FSIP2: variants seen among roughly 807,000 people sequenced by gnomAD.
The protein encoded by FSIP2 is fibrous sheath-interacting protein 2.
FSIP2 carries 367 observed loss-of-function variants against 510.5 expected under a neutral mutation model. The observed-to-expected ratio is 0.72, with a 90% CI of 0.66 to 0.78. FSIP2 has a LOEUF of 0.78. Ranked by LOEUF, FSIP2 falls within the 30% of genes least tolerant of loss-of-function variation. The probability of loss-of-function intolerance (pLI) is 0.00; values close to 1 mark genes in which losing one functional copy is unlikely to be tolerated. For synonymous variants in FSIP2, 2,601 were observed against 2,732.2 expected (o/e 0.95, Z 1.50); for missense variants, 7,594 against 7,901.7 (o/e 0.96, Z 1.48).
intron 14 of FSIP2, among the ~76,000 whole-genome samples, chr2:185,785,654 G>A (rs1440402058): frequency 6.6e-6 from 1 of 151,600 alleles, no homozygotes; most frequent in Non-Finnish European, 1.5e-5. Context: ...AGTGTGTGAC[G>A]GTAAATCTAA....
chr2:185,763,334 G>T (rs1316981520), intron 12 of FSIP2, 45 bp downstream of exon 12: 1 of 786,690 alleles, frequency 1.3e-6, no homozygotes, highest in Non-Finnish European at 2.2e-6. Flanking sequence ...CAATAAAAGG[G>T]ATATGATCTT....
chr2:185,785,264 C>T (rs982614287), intron 14 of FSIP2, among the ~76,000 whole-genome samples: 3 of 152,070 alleles, frequency 2.0e-5, no homozygotes, highest in African/African-American at 7.2e-5. Flanking sequence ...CATCAGCTTT[C>T]ATGCTCCTAG....
intron 15 of FSIP2, chr2:185,787,946 ATTTTAT>A (rs1395718541): frequency 9.9e-5 from 15 of 151,192 alleles, no homozygotes; most frequent in South Asian, 6.2e-4. Flanking sequence ...GTATTATTTT[ATTTTAT>A]TTTTATTTTA....
In FSIP2 at chr2:185,792,693, A is replaced by C; in HGVS notation, c.5557A>C (p.Lys1853Gln). The change falls in exon 16 of 23, where the codon AAA (lysine) becomes CAA (glutamine). Residue 1853 changes from lysine to glutamine, a missense_variant. Lys to Gln is a moderately conservative substitution (Grantham distance 53). Transcript: ENST00000424728. ...TAATATTGTTAGGACTGTATTTCAC[A>C]AACTTTATTCAGCTGCCATGACAGA... ...TDNIVRTVFH[K>Q]LYSAAMTERN... is the part of the protein sequence containing the mutation. The C allele has an allele frequency of 1.3e-6, 2 of 1,533,906 alleles. No homozygotes were observed. The highest frequency in any genetic ancestry group is 2.0e-5 in the Admixed American group (1 of 50,830).
Position 185,790,166 on chromosome 2 carries a change from T to C in FSIP2, c.3030T>C (p.Asn1010=). The part of the protein sequence containing the change: ...YSDDENEEID[N]IVKNVLDSTF... ...ATGATGAAAATGAGGAAATAGACAA[T>C]ATTGTAAAAAATGTGCTTGATTCAA... Residue 1010 remains asparagine, a synonymous_variant, in exon 16 of 23, where the codon AAT becomes AAC. Coordinates refer to ENST00000424728, the MANE Select transcript of FSIP2 (RefSeq NM_173651.4). 5 of 1,532,070 alleles carry C rather than the reference T, an allele frequency of 3.3e-6. No individual in the cohort carries two copies. Among genetic ancestry groups the C allele is most frequent in the Non-Finnish European group, 4.4e-6 (5 of 1,144,694 alleles). 94.9% of individuals were successfully genotyped at this position (1,532,070 alleles called of 1,614,324 possible).
chr2:185,747,959 G>C (rs2105535724), intron 7 of FSIP2, among the ~76,000 whole-genome samples: 1 of 152,026 alleles, frequency 6.6e-6, no homozygotes, highest in South Asian at 2.1e-4. Context: ...AAGCTGTTCT[G>C]TAGGCTGTTT....
chr2:185,825,575 C>T (rs1693999988), intron 20 of FSIP2, among the ~76,000 whole-genome samples: 1 of 151,918 alleles, frequency 6.6e-6, no homozygotes, highest in South Asian at 2.1e-4. Flanking sequence ...TGTGACTCTA[C>T]ATAAAAACAA....
chr2:185,782,785 A>G (rs552165698), intron 14 of FSIP2, 23 bp downstream of exon 14: 1 of 1,205,354 alleles, frequency 8.3e-7, no homozygotes, highest in Non-Finnish European at 1.2e-6. Flanking sequence ...GGAATTATAT[A>G]TAATCATAAC....
intron 18 of FSIP2, among the ~76,000 whole-genome samples, chr2:185,814,832 CTTTT>C (rs1364748092): frequency 6.6e-6 from 1 of 151,958 alleles, no homozygotes; most frequent in Non-Finnish European, 1.5e-5. Context: ...GAATATACAA[CTTTT>C]AATTTTCTGA....
Position 185,803,880 on chromosome 2 carries a change from A to G in FSIP2, c.14574A>G (p.Lys4858=). 1 of 1,524,736 alleles carries G rather than the reference A, an allele frequency of 6.6e-7. No homozygotes were observed. Among genetic ancestry groups the G allele is most frequent in the Non-Finnish European group, 8.8e-7 (1 of 1,139,300 alleles). The allele number at this position is 1,524,736 out of a possible 1,614,324, so 94.5% of individuals were successfully genotyped here. The part of the protein sequence containing the change: ...GNKKQSMISA[K]DIQSMVDSIY... ...AAAAACAGAGTATGATTTCAGCAAA[A>G]GATATCCAGTCTATGGTTGATTCCA... Residue 4858 remains lysine, a synonymous_variant, in exon 17 of 23, where the codon AAA becomes AAG. Coordinates refer to ENST00000424728, the MANE Select transcript of FSIP2 (RefSeq NM_173651.4).
At chr2:185,773,365 G>T (rs1017564255) in intron 13 of FSIP2, among the ~76,000 whole-genome samples, 16 of 152,110 alleles carry the variant, frequency 1.1e-4, no homozygotes, top group Non-Finnish European at 2.2e-4. Context: ...GAAATCTGCT[G>T]TTATTCTAAT....
chr2:185,803,597 T>C lies in FSIP2; in HGVS notation c.14291T>C (p.Leu4764Ser). Residue 4764 changes from leucine (L) to serine (S), a missense_variant, in exon 17 of 23, where the codon TTA becomes TCA. Coordinates refer to ENST00000424728, the MANE Select transcript of FSIP2 (RefSeq NM_173651.4). ...CATTCCAAACTCAGTGCAAATGTTT[T>C]AATACAAAGAGTTCAATATGATATA... ...KSHSKLSANV[L>S]IQRVQYDISK... 1 of 1,531,466 alleles carries C rather than the reference T, an allele frequency of 6.5e-7. No individual in the cohort carries two copies. Among genetic ancestry groups the C allele is most frequent in the Non-Finnish European group, 8.7e-7 (1 of 1,143,940 alleles). The allele number at this position is 1,531,466 out of a possible 1,614,324, so 94.9% of individuals were successfully genotyped here.
At chr2:185,746,299 T>C (rs200515480) in intron 5 of FSIP2, among the ~76,000 whole-genome samples, 6 of 148,386 alleles carry the variant, frequency 4.0e-5, no homozygotes, top group Non-Finnish European at 6.0e-5. Context: ...TTTTTTTTTT[T>C]CCACATTTGA....
chr2:185,738,525 G>A, upstream of FSIP2: 1 of 1,336,118 alleles, frequency 7.5e-7, no homozygotes, highest in East Asian at 2.5e-5. Flanking sequence ...TTATTGAACG[G>A]AACAGGGCTC....
intron 9 of FSIP2, among the ~76,000 whole-genome samples, chr2:185,760,483 A>C (rs984720919): frequency 6.8e-6 from 1 of 147,226 alleles, no homozygotes; most frequent in Non-Finnish European, 1.5e-5. Context: ...TTTATTTATA[A>C]TAAAATAAAA....
chr2:185,743,205 C>T lies in FSIP2; in HGVS notation c.298C>T (p.Leu100Phe), dbSNP rs1048433445. The change falls in exon 3 of 23, where the codon CTC becomes TTC. Residue 100 changes from leucine (L) to phenylalanine (F), a missense_variant. By Grantham distance (22) the Leu-to-Phe change is conservative. Coordinates refer to ENST00000424728, the MANE Select transcript of FSIP2 (RefSeq NM_173651.4). ...ACTTTTGGAAAACCAATATAAAAGC[C>T]TCCATGATCCACATTTAAAAGCATA... ...CRLLENQYKS[L>F]HDPHLKAYYK... is the part of the protein sequence containing the mutation. 7.2e-6 allele frequency: 11 copies of T among 1,529,918 alleles called. No individual in the cohort carries two copies. In the African/African-American group the frequency reaches 1.5e-4, roughly 21 times the overall value. The allele number at this position is 1,529,918 out of a possible 1,614,324, so 94.8% of individuals were successfully genotyped here. A position where few individuals can be genotyped will look rare whatever the true frequency, so the allele number is the denominator to read the frequency against.
rs533012069 is a variant in FSIP2, at chr2:185,743,516, A to C, written c.387+222A>C. Among the ~76,000 whole-genome samples, 8 of 152,264 alleles carry C rather than the reference A, an allele frequency of 5.3e-5. No homozygotes were observed. The East Asian group carries it at 1.5e-3, about 29-fold the overall frequency. ...TTCTTCCTTCACCTTTTTTCTTTGT[A>C]ATATAAAAAGATTATTGACAAATAA... is the stretch of plus-strand genomic sequence containing the variant. On this transcript the variant is annotated intron_variant, in intron 3 of 22. Transcript: ENST00000424728.
In FSIP2 at chr2:185,745,457, T is replaced by G; in HGVS notation, c.506T>G (p.Ile169Arg). The G allele has an allele frequency of 1.3e-6, 2 of 1,533,962 alleles. No homozygotes were observed. Among genetic ancestry groups the G allele is most frequent in the Non-Finnish European group, 1.7e-6 (2 of 1,145,204 alleles). Reference protein sequence around the residue: ...QRILAKQLHNIPENNQIPQHC... With the variant: ...QRILAKQLHNRPENNQIPQHC... ...ATACTTGCAAAACAACTACATAACA[T>G]ACCGGAAAACAATCAAATCCCTCAA... The change falls in exon 5 of 23, where the codon ATA becomes AGA. Residue 169 changes from isoleucine (I) to arginine (R), a missense_variant. Coordinates refer to ENST00000424728, the MANE Select transcript of FSIP2 (RefSeq NM_173651.4).
At position 185,793,035 on chromosome 2, in the gene FSIP2, G is replaced by A; in HGVS notation, c.5899G>A (p.Ala1967Thr). ...CAGTACATTGAGCAAAGCATTATCA[G>A]CCAAAGATTCATATTCTGATGAGCA... ...DHSTLSKALS[A>T]KDSYSDEQFS... is the part of the protein sequence containing the mutation. The change falls in exon 16 of 23, where the codon GCC becomes ACC. Residue 1967 changes from alanine (A) to threonine (T), a missense_variant. By Grantham distance (58) the Ala-to-Thr change is moderately conservative (BLOSUM62 0). Coordinates refer to ENST00000424728, the MANE Select transcript of FSIP2 (RefSeq NM_173651.4). 1 of 1,534,270 alleles carries A rather than the reference G, an allele frequency of 6.5e-7. No homozygotes were observed. The highest frequency in any genetic ancestry group is 8.7e-7 in the Non-Finnish European group (1 of 1,145,610).
Sources: allele counts gnomAD v4.1 joint callset (sites outside exome capture counted in the v4.1 genomes callset), GRCh38; gene constraint gnomAD v4.1.1; transcripts MANE v1.5; gene names NCBI Gene and HGNC (gene_info 2026-07-23, HGNC 2026-07-21).